The following RILPL1 variants were observed in gnomAD, a reference collection of about 807,000 sequenced individuals.
RILPL1 encodes the protein RILP-like protein 1.
Under a neutral mutation model 50.3 loss-of-function variants are expected in RILPL1, and 33 were observed. The observed-to-expected ratio is 0.66, with a 90% CI of 0.50 to 0.88. The LOEUF is 0.88. Among genes scored for constraint, RILPL1 ranks in the 40% least tolerant of loss-of-function variants. The pLI is 0.00. For synonymous variants in RILPL1, 205 were observed against 228.6 expected, an observed-to-expected ratio of 0.90 and a Z score of 0.93; for missense variants, 418 against 542.5, an observed-to-expected ratio of 0.77 and a Z score of 2.28.
intron 6 of RILPL1, chr12:123,475,975 C>T (rs1217802415): frequency 2.2e-5 from 10 of 453,656 alleles, no homozygotes; most frequent in African/African-American, 8.4e-5. Context: ...GCAATCTCAG[C>T]TTACTGCAAC....
At chr12:123,496,770 C>T (rs898291367) in intron 4 of RILPL1, among the ~76,000 whole-genome samples, 8 of 152,204 alleles carry the variant, frequency 5.3e-5, no homozygotes, top group Non-Finnish European at 1.0e-4. Context: ...GAACAGACAC[C>T]GCTAGTGCCC....
chr12:123,506,213 C>T (rs1234672773), intron 2 of RILPL1, among the ~76,000 whole-genome samples: 4 of 152,176 alleles, frequency 2.6e-5, no homozygotes, highest in Non-Finnish European at 5.9e-5. Flanking sequence ...GCAAGGACAG[C>T]GCAGCACAGG....
rs572740187 is a variant in RILPL1, at chr12:123,533,124, G to C, written c.309+50C>G. The stretch of plus-strand genomic sequence containing the variant: ...GCTGCCCAATGCGGAAGAGCCCTTG[G>C]GTCCCCGCGGTCCCACTGCCCGGAC... On this transcript the variant is annotated intron_variant, in intron 1 of 6. Coordinates refer to ENST00000376874, the MANE Select transcript of RILPL1 (RefSeq NM_178314.5). This position sits in a 1 kb window ranked among gnomAD's most constrained non-coding sequence, Gnocchi z 6.2. 2.0e-4 allele frequency: 288 copies of C among 1,473,052 alleles called. 2 individuals carry two copies. The East Asian group carries it at 6.9e-3, about 35-fold the overall frequency. 91.2% of individuals were successfully genotyped at this position (1,473,052 alleles called of 1,614,324 possible).
chr12:123,504,329 C>T (rs985335916), intron 2 of RILPL1, among the ~76,000 whole-genome samples: 7 of 151,946 alleles, frequency 4.6e-5, no homozygotes, highest in Non-Finnish European at 5.9e-5. Flanking sequence ...CTTTCCCCCC[C>T]GGGTGCGCCA....
chr12:123,487,221 A>G (rs1057514032), intron 4 of RILPL1, among the ~76,000 whole-genome samples: 1 of 152,210 alleles, frequency 6.6e-6, no homozygotes, highest in Admixed American at 6.5e-5. Context: ...AGAATCATAC[A>G]TTAAGTGGCC....
At position 123,533,399 on chromosome 12, in the gene RILPL1, G is replaced by A. The variant is rs1306053611; in HGVS notation, c.84C>T (p.Tyr28=). The A allele has an allele frequency of 6.4e-7, 1 of 1,554,740 alleles. No individual in the cohort carries two copies. The highest frequency in any genetic ancestry group is 8.7e-7 in the Non-Finnish European group (1 of 1,150,688). The change falls in exon 1 of 7, where the codon TAC becomes TAT. Residue 28 remains tyrosine (Y), a synonymous_variant. Coordinates refer to ENST00000376874, the MANE Select transcript of RILPL1 (RefSeq NM_178314.5). The surrounding 1 kb of genome is among the most constrained non-coding windows in gnomAD (Gnocchi z 6.2). ...NVAELTVMDV[Y]DIASLVGHEF... is the part of the protein sequence containing the mutation. The stretch of plus-strand genomic sequence containing the variant: ...CGTGGCCCACAAGCGACGCGATGTC[G>A]TACACGTCCATGACGGTCAGCTCGG...
chr12:123,508,607 T>C (rs1391815218), intron 2 of RILPL1, among the ~76,000 whole-genome samples: 1 of 152,188 alleles, frequency 6.6e-6, no homozygotes, highest in African/African-American at 2.4e-5. Context: ...AGGTGCATTC[T>C]GGGGTGTTGA....
chr12:123,514,074 C>G (rs191852987), intron 2 of RILPL1: 1 of 152,290 alleles, frequency 6.6e-6, no homozygotes, highest in Admixed American at 6.5e-5. Context: ...AATGTCCCCC[C>G]GCTAAGAATG....
At chr12:123,512,133 T>TGTGTGTGAGGTCTGTGTGTGTG (rs1566136820) in intron 2 of RILPL1, among the ~76,000 whole-genome samples, 1 of 126,230 alleles carries the variant, frequency 7.9e-6, no homozygotes, top group East Asian at 2.6e-4. Context: ...GTGTGTGTGG[T>TGTGTGTGAGGTCTGTGTGTGTG]GTGTGTGAGG....
intron 6 of RILPL1, among the ~76,000 whole-genome samples, chr12:123,477,071 C>T (rs1297727850): frequency 1.3e-5 from 2 of 152,144 alleles, no homozygotes; most frequent in African/African-American, 4.8e-5. Context: ...GCAGAGGCTG[C>T]AGAATCATCA....
intron 2 of RILPL1, among the ~76,000 whole-genome samples, chr12:123,508,002 G>A (rs1046494305): frequency 6.6e-6 from 1 of 151,542 alleles, no homozygotes; most frequent in Non-Finnish European, 1.5e-5. Context: ...CCTAGGGCTA[G>A]GGGGAATAGG....
intron 1 of RILPL1, among the ~76,000 whole-genome samples, chr12:123,524,616 G>C (rs1885183907): frequency 6.6e-6 from 1 of 152,194 alleles, no homozygotes; most frequent in African/African-American, 2.4e-5. Context: ...ATGAAAGCCT[G>C]ACATATGCTA....
intron 2 of RILPL1, among the ~76,000 whole-genome samples, chr12:123,510,927 GTGGT>G (rs1204631823): frequency 6.1e-5 from 9 of 148,298 alleles, no homozygotes; most frequent in Non-Finnish European, 9.0e-5. Flanking sequence ...CTGTGTGTGT[GTGGT>G]GTGTGTAAGG....
chr12:123,533,123 G>T lies in RILPL1; in HGVS notation c.309+51C>A. On this transcript the variant is annotated intron_variant, in intron 1 of 6. Transcript: ENST00000376874. The surrounding 1 kb of genome is among the most constrained non-coding windows in gnomAD (Gnocchi z 6.2). Reference sequence around the variant, plus strand: ...AGCTGCCCAATGCGGAAGAGCCCTTGGGTCCCCGCGGTCCCACTGCCCGGA... The same window carrying T: ...AGCTGCCCAATGCGGAAGAGCCCTTTGGTCCCCGCGGTCCCACTGCCCGGA... 6.8e-7 allele frequency: 1 copy of T among 1,470,630 alleles called. No individual in the cohort carries two copies. The highest frequency in any genetic ancestry group is 9.1e-7 in the Non-Finnish European group (1 of 1,104,784). The allele number at this position is 1,470,630 out of a possible 1,614,324, so 91.1% of individuals were successfully genotyped here. A position where few individuals can be genotyped will look rare whatever the true frequency, so the allele number is the denominator to read the frequency against.
chr12:123,501,443 AAAACAAAC>A (rs34227751), intron 2 of RILPL1, among the ~76,000 whole-genome samples: 1 of 149,720 alleles, frequency 6.7e-6, no homozygotes, highest in South Asian at 2.1e-4. Context: ...ACCCTGTCTC[AAAACAAAC>A]AAACAAACAA....
At chr12:123,500,438 C>T (rs1056706080) in intron 2 of RILPL1, among the ~76,000 whole-genome samples, 5 of 151,878 alleles carry the variant, frequency 3.3e-5, no homozygotes, top group Non-Finnish European at 1.5e-5. Flanking sequence ...ACATGTGCTA[C>T]CTCGCCTGGC....
chr12:123,478,073 T>A (rs1881721941), intron 6 of RILPL1, among the ~76,000 whole-genome samples: 1 of 140,152 alleles, frequency 7.1e-6, no homozygotes, highest in Admixed American at 7.8e-5. Flanking sequence ...CTGGGCCCAC[T>A]GCAGCCGCGA....
At chr12:123,513,391 C>A in intron 2 of RILPL1, 1 of 376,070 alleles carries the variant, frequency 2.7e-6, no homozygotes, top group Non-Finnish European at 5.6e-6. Context: ...CCTTGGCTCC[C>A]CGAGAGGTGG....
intron 1 of RILPL1, among the ~76,000 whole-genome samples, chr12:123,524,476 G>A (rs1044287376): frequency 2.0e-4 from 31 of 152,128 alleles, no homozygotes; most frequent in African/African-American, 5.3e-4. Context: ...ACATGAAAAC[G>A]CGTGCAGGTG....
Sources: gnomAD v4.1 joint callset for allele counts (sites outside exome capture counted in the v4.1 genomes callset) on GRCh38, gnomAD v4.1.1 for gene constraint, Gnocchi (gnomAD v3.1) non-coding constraint, MANE v1.5 for transcripts, NCBI Gene and HGNC (gene_info 2026-07-23, HGNC 2026-07-21) for gene names.